The following CLEC18B variants were observed in gnomAD, a reference collection of about 807,000 sequenced individuals.
The protein encoded by CLEC18B is C-type lectin domain family 18 member B.
In CLEC18B, 5 loss-of-function variants were observed where a neutral mutation model predicts 60.4. That is an observed-to-expected ratio of 0.08 (90% CI 0.04 to 0.17). The LOEUF (loss-of-function observed/expected upper bound fraction) is 0.17, where lower values mean the gene tolerates loss of function less well. Ranked by LOEUF, CLEC18B falls within the 10% of genes least tolerant of loss-of-function variation. CLEC18B has a pLI of 1.00. For synonymous variants in CLEC18B, 16 were observed against 221.2 expected (o/e 0.07, Z 8.23); for missense variants, 26 against 572.8 (o/e 0.05, Z 9.74).
At chr16:74,418,906 G>A (rs2013547424) in intron 2 of CLEC18B, among the ~76,000 whole-genome samples, 1 of 151,502 alleles carries the variant, frequency 6.6e-6, no homozygotes, top group African/African-American at 2.4e-5. Flanking sequence ...CAATTCTCCT[G>A]CCTCAGCCTC....
chr16:74,414,362 T>C (rs529821614), intron 3 of CLEC18B, among the ~76,000 whole-genome samples: 1 of 152,368 alleles, frequency 6.6e-6, no homozygotes, highest in African/African-American at 2.4e-5. Flanking sequence ...CTGCAGCTTT[T>C]TGCAGCAAAG....
chr16:74,412,329 A>C (rs2013203641), intron 6 of CLEC18B, 83 bp from the exon 7 acceptor site: 1 of 1,575,532 alleles, frequency 6.3e-7, no homozygotes, highest in Non-Finnish European at 8.7e-7. Context: ...TCGAACATCC[A>C]GGGAATGCCA....
chr16:74,422,800 G>A (rs1178428911), upstream of CLEC18B, among the ~76,000 whole-genome samples: 3 of 152,196 alleles, frequency 2.0e-5, no homozygotes, highest in Non-Finnish European at 2.9e-5. Context: ...AAGTAGCTGG[G>A]ACCAGGTGTG....
chr16:74,419,318 T>C (rs1597187264), intron 2 of CLEC18B, among the ~76,000 whole-genome samples: 1 of 152,038 alleles, frequency 6.6e-6, no homozygotes, highest in South Asian at 2.1e-4. Context: ...GTTTTACCTC[T>C]GATGAAGGCT....
intron 2 of CLEC18B, among the ~76,000 whole-genome samples, chr16:74,418,764 C>G (rs1362303564): frequency 6.6e-6 from 1 of 152,166 alleles, no homozygotes; most frequent in African/African-American, 2.4e-5. Context: ...CATATGCTCC[C>G]CACCACGCAC....
chr16:74,421,489 G>T, upstream of CLEC18B: 1 of 535,894 alleles, frequency 1.9e-6, no homozygotes, highest in Non-Finnish European at 3.3e-6. Flanking sequence ...ACAACTCCCG[G>T]GGATGCCTGC....
intron 3 of CLEC18B, among the ~76,000 whole-genome samples, chr16:74,414,164 C>T (rs1316295352): frequency 6.6e-6 from 1 of 152,412 alleles, no homozygotes; most frequent in Non-Finnish European, 1.5e-5. Flanking sequence ...TGTGAGCCAC[C>T]GTGCCCAGCC....
At chr16:74,419,127 T>G (rs1435436626) in intron 2 of CLEC18B, among the ~76,000 whole-genome samples, 1 of 152,260 alleles carries the variant, frequency 6.6e-6, no homozygotes, top group Non-Finnish European at 1.5e-5. Flanking sequence ...GGCCTGGCAA[T>G]CACCACCCCT....
intron 2 of CLEC18B, among the ~76,000 whole-genome samples, chr16:74,420,151 TCCTGCAGGG>T (rs2013615541): frequency 6.6e-6 from 1 of 150,398 alleles, no homozygotes; most frequent in Non-Finnish European, 1.5e-5. Context: ...CGGCCGCCCA[TCCTGCAGGG>T]CTCCTCGTGA....
upstream of CLEC18B, chr16:74,421,644 C>T (rs1393211982): frequency 4.2e-5 from 21 of 504,422 alleles, no homozygotes; most frequent in South Asian, 8.9e-5. Flanking sequence ...GGGGACATTC[C>T]GGTGCTGCAG....
chr16:74,419,917 C>T (rs1181898701), intron 2 of CLEC18B, among the ~76,000 whole-genome samples: 1 of 151,848 alleles, frequency 6.6e-6, no homozygotes, highest in Non-Finnish European at 1.5e-5. Flanking sequence ...TTCTGAGCCT[C>T]CAGATGACAG....
upstream of CLEC18B, chr16:74,421,729 C>G (rs1268460009): frequency 4.1e-6 from 1 of 243,628 alleles, no homozygotes; most frequent in African/African-American, 2.3e-5. Context: ...TCCCCAGCCC[C>G]GGGCCCTGGG....
rs2012993632 is a variant in CLEC18B, at chr16:74,409,015, TG to T, written c.1331del (p.Pro444GlnfsTer6). ...FAQEHISRWG[P>X]GS ...GCCATGTGGTCAGGCCTCAGGACCC[TG>T]GGCCCCACCGGGAGATGTGCTCCTG... On this transcript the variant is annotated frameshift_variant, in exon 12 of 12. Transcript: ENST00000682950. LOFTEE classifies it high-confidence loss of function. The T allele has an allele frequency of 6.5e-7, 1 of 1,538,712 alleles. No homozygotes were observed. The highest frequency in any genetic ancestry group is 8.9e-7 in the Non-Finnish European group (1 of 1,128,610).
upstream of CLEC18B, among the ~76,000 whole-genome samples, chr16:74,423,379 G>T (rs1291294024): frequency 6.6e-6 from 1 of 152,220 alleles, no homozygotes; most frequent in Non-Finnish European, 1.5e-5. Flanking sequence ...GGGTCCCATG[G>T]CCCTGGCTCA....
At chr16:74,420,032 C>T (rs2013608021) in intron 2 of CLEC18B, among the ~76,000 whole-genome samples, 1 of 152,290 alleles carries the variant, frequency 6.6e-6, no homozygotes, top group Non-Finnish European at 1.5e-5. Context: ...GAGCAGAGAA[C>T]ATGGGCAAGG....
chr16:74,419,192 A>G (rs1325105488), intron 2 of CLEC18B, among the ~76,000 whole-genome samples: 3 of 152,264 alleles, frequency 2.0e-5, no homozygotes, highest in Admixed American at 2.0e-4. Flanking sequence ...TCATCTGTAA[A>G]CGGAGCAGGG....
chr16:74,421,305 G>T lies in CLEC18B; in HGVS notation c.-35C>A, dbSNP rs2013678376. 6.2e-7 allele frequency: 1 copy of T among 1,609,744 alleles called. No homozygotes were observed. Among genetic ancestry groups the T allele is most frequent in the Non-Finnish European group, 8.5e-7 (1 of 1,179,158 alleles). The stretch of plus-strand genomic sequence containing the variant: ...GGGCCCGTCAGGCGCTCCGTGCACA[G>T]CCTGGCTCAGCCACCCGGCTTGTTT... On this transcript the variant is annotated 5_prime_UTR_variant, in exon 1 of 12. In the 5' UTR this introduces an upstream ATG that the reference lacks. Transcript: ENST00000682950.
intron 3 of CLEC18B, among the ~76,000 whole-genome samples, chr16:74,413,916 A>G (rs2013307354): frequency 6.6e-6 from 1 of 152,282 alleles, no homozygotes; most frequent in Non-Finnish European, 1.5e-5. Flanking sequence ...CTTGTTGCCC[A>G]GGCTGGAGTG....
At chr16:74,421,618 C>T (rs2013692562), upstream of CLEC18B, 2 of 504,096 alleles carry the variant, frequency 4.0e-6, no homozygotes, top group South Asian at 4.4e-5. Context: ...CCCCCAGAGA[C>T]CCCGCTGATT....
Sources: gnomAD v4.1 joint callset for allele counts (sites outside exome capture counted in the v4.1 genomes callset) on GRCh38, gnomAD v4.1.1 for gene constraint, MANE v1.5 for transcripts, NCBI Gene and HGNC (gene_info 2026-07-23, HGNC 2026-07-21) for gene names.